The following CTNNA3 variants were observed in gnomAD, a reference collection of about 807,000 sequenced individuals.
The protein encoded by CTNNA3 is catenin alpha 3.
Under a neutral mutation model 95.7 loss-of-function variants are expected in CTNNA3, and 76 were observed. The ratio of observed to expected loss-of-function variants is 0.79; its 90% CI spans 0.66 to 0.96. The LOEUF is 0.96. Among genes scored for constraint, CTNNA3 ranks in the 40% least tolerant of loss-of-function variants. The pLI, the probability that CTNNA3 is intolerant of heterozygous loss-of-function variation, is 0.00. For missense variants in CTNNA3, 1,191 were observed against 1,089.8 expected (o/e 1.09, Z -1.31); for synonymous variants, 431 against 374.4 (o/e 1.15, Z -1.74).
intron 13 of CTNNA3, among the ~76,000 whole-genome samples, chr10:66,181,067 C>T (rs553046059): frequency 1.3e-5 from 2 of 151,938 alleles, no homozygotes. Flanking sequence ...ATTCAGGGAT[C>T]ACTTAGAGGT....
At chr10:66,068,216 G>T (rs574528013) in intron 15 of CTNNA3, among the ~76,000 whole-genome samples, 1 of 151,906 alleles carries the variant, frequency 6.6e-6, no homozygotes, top group Non-Finnish European at 1.5e-5. Context: ...GGAGAAAGTG[G>T]TTAATAATAT....
At chr10:66,197,160 C>A (rs1461624801) in intron 13 of CTNNA3, among the ~76,000 whole-genome samples, 1 of 152,082 alleles carries the variant, frequency 6.6e-6, no homozygotes, top group Non-Finnish European at 1.5e-5. Context: ...CACCTACAAA[C>A]TGGATCTCTA....
chr10:66,207,671 G>A (rs1254646130), intron 13 of CTNNA3, among the ~76,000 whole-genome samples: 1 of 151,914 alleles, frequency 6.6e-6, no homozygotes, highest in Non-Finnish European at 1.5e-5. Context: ...AGCTAATTAT[G>A]GCAGAAGTGA....
At chr10:66,199,805 A>ATATATATATAT (rs1564756586) in intron 13 of CTNNA3, among the ~76,000 whole-genome samples, 1 of 14,284 alleles carries the variant, frequency 7.0e-5, no homozygotes, top group Non-Finnish European at 1.1e-4. Context: ...ATATATATAT[A>ATATATATATAT]TTTTTTTTTT....
At chr10:67,092,536 T>C (rs1404620619) in intron 7 of CTNNA3, among the ~76,000 whole-genome samples, 1 of 151,998 alleles carries the variant, frequency 6.6e-6, no homozygotes, top group Non-Finnish European at 1.5e-5. Flanking sequence ...TGAATGTTCA[T>C]ATATATACAA....
intron 13 of CTNNA3, among the ~76,000 whole-genome samples, chr10:66,195,851 G>A (rs1229020215): frequency 6.6e-6 from 1 of 151,212 alleles, no homozygotes; most frequent in East Asian, 1.9e-4. Context: ...GCAACATCCT[G>A]CTGGGTGAAC....
At chr10:67,746,731 G>C (rs1456425926) in intron 1 of CTNNA3, among the ~76,000 whole-genome samples, 1 of 152,180 alleles carries the variant, frequency 6.6e-6, no homozygotes. Context: ...CCACCATCAG[G>C]GCCTTGGGTC....
chr10:66,486,137 T>A (rs1328428677), intron 11 of CTNNA3, among the ~76,000 whole-genome samples: 1 of 152,158 alleles, frequency 6.6e-6, no homozygotes, highest in Non-Finnish European at 1.5e-5. Context: ...TCTATGGTGT[T>A]AGCTTAGGCA....
chr10:65,951,045 A>G (rs2133207751), intron 17 of CTNNA3, among the ~76,000 whole-genome samples: 1 of 152,322 alleles, frequency 6.6e-6, no homozygotes, highest in Admixed American at 6.5e-5. Context: ...TAAACAATAT[A>G]TTGTACCATT....
chr10:67,672,037 T>C (rs1394186000), intron 1 of CTNNA3, among the ~76,000 whole-genome samples: 1 of 152,228 alleles, frequency 6.6e-6, no homozygotes, highest in Non-Finnish European at 1.5e-5. Context: ...TCCTGACTTT[T>C]TGATGATCGC....
At chr10:67,526,334 T>C (rs1840142843) in intron 4 of CTNNA3, among the ~76,000 whole-genome samples, 4 of 149,404 alleles carry the variant, frequency 2.7e-5, no homozygotes. Context: ...AAAGCTCACA[T>C]ACATATCTCA....
At position 66,668,214 on chromosome 10, in the gene CTNNA3, A is replaced by G. The variant is rs187232306; in HGVS notation, c.1282-46430T>C. Among the ~76,000 whole-genome samples, 8 of 152,282 alleles carry G rather than the reference A, an allele frequency of 5.3e-5. No homozygotes were observed. The East Asian group carries it at 9.7e-4, about 18-fold the overall frequency. ...GAAATAGCGTTTTTGCTAAGTAATAAGGAAATTAAGAACTGATGATGGAAA... is the reference window on the plus strand; with the variant it reads ...GAAATAGCGTTTTTGCTAAGTAATAGGGAAATTAAGAACTGATGATGGAAA... On this transcript the variant is annotated intron_variant, in intron 9 of 17. Transcript: ENST00000433211.
intron 13 of CTNNA3, among the ~76,000 whole-genome samples, chr10:66,121,479 C>T (rs2082570690): frequency 6.6e-6 from 1 of 152,088 alleles, no homozygotes; most frequent in South Asian, 2.1e-4. Flanking sequence ...CACACACACA[C>T]ACACTATCTT....
At chr10:66,625,148 A>T (rs749721977) in intron 9 of CTNNA3, among the ~76,000 whole-genome samples, 1 of 152,176 alleles carries the variant, frequency 6.6e-6, no homozygotes, top group Non-Finnish European at 1.5e-5. Flanking sequence ...GTGTCTTGTT[A>T]TGAGAGGAGA....
intron 10 of CTNNA3, among the ~76,000 whole-genome samples, chr10:66,599,075 C>T (rs1022039950): frequency 6.6e-6 from 1 of 151,780 alleles, no homozygotes; most frequent in Non-Finnish European, 1.5e-5. Context: ...GATTAGAGAC[C>T]CCAGAAATAA....
intron 5 of CTNNA3, among the ~76,000 whole-genome samples, chr10:67,262,081 T>G: frequency 6.6e-6 from 1 of 152,248 alleles, no homozygotes; most frequent in Middle Eastern, 3.4e-3. Flanking sequence ...TTGCTCAATC[T>G]CATTCAATAT....
At chr10:66,726,879 G>C (rs1848799231) in intron 9 of CTNNA3, among the ~76,000 whole-genome samples, 5 of 152,148 alleles carry the variant, frequency 3.3e-5, no homozygotes, top group Admixed American at 1.3e-4. Context: ...AAATCCAGCA[G>C]AAAATTTCAC....
intron 15 of CTNNA3, among the ~76,000 whole-genome samples, chr10:66,030,006 C>T (rs1013354247): frequency 1.3e-5 from 2 of 152,002 alleles, no homozygotes; most frequent in African/African-American, 4.8e-5. Flanking sequence ...GACATAATTA[C>T]AGCTATACAA....
intron 10 of CTNNA3, among the ~76,000 whole-genome samples, chr10:66,536,136 TGAGAGA>T (rs71035152): frequency 1.7e-4 from 25 of 143,842 alleles, no homozygotes; most frequent in African/African-American, 4.1e-4. Flanking sequence ...TGAAACGACA[TGAGAGA>T]GAGAGAGAGA....
Sources: gnomAD v4.1 joint callset for allele counts (sites outside exome capture counted in the v4.1 genomes callset) on GRCh38, gnomAD v4.1.1 for gene constraint, MANE v1.5 for transcripts, NCBI Gene and HGNC (gene_info 2026-07-23, HGNC 2026-07-21) for gene names.